SCN4A: variants seen among roughly 807,000 people sequenced by gnomAD.
SCN4A encodes the protein sodium voltage-gated channel alpha subunit 4.
Under a neutral mutation model 162.0 loss-of-function variants are expected in SCN4A, and 83 were observed. That is an observed-to-expected ratio of 0.51 (90% confidence interval 0.43 to 0.61). SCN4A has a LOEUF of 0.61. SCN4A is among the 20% of genes least tolerant of loss of function. The pLI, the probability that SCN4A is intolerant of heterozygous loss-of-function variation, is 0.00. For synonymous variants in SCN4A, 944 were observed against 985.1 expected (o/e 0.96, Z 0.78); for missense variants, 2,196 against 2,462.5 (o/e 0.89, Z 2.29).
chr17:63,964,603 G>T lies in SCN4A; in HGVS notation c.1317C>A (p.Ile439=). 1 of 1,613,736 alleles carries T rather than the reference G, an allele frequency of 6.2e-7. No homozygotes were observed. Among genetic ancestry groups the T allele is most frequent in the East Asian group, 2.2e-5 (1 of 44,886 alleles). Residue 439 remains isoleucine (I), a synonymous_variant, in exon 9 of 24, where the codon ATC becomes ATA. Transcript: ENST00000435607. The part of the protein sequence containing the change: ...VIIFLGSFYL[I]NLILAVVAMA... ...TGGCCACCACGGCCAGGATCAGATT[G>T]ATGAGGTAGAAAGAGCCCAGGAAGA...
chr17:63,953,265 C>T (rs2144788788), intron 13 of SCN4A, among the ~76,000 whole-genome samples: 1 of 152,042 alleles, frequency 6.6e-6, no homozygotes, highest in East Asian at 1.9e-4. Flanking sequence ...GAGGCTGAGG[C>T]AGGAGAATCG....
intron 11 of SCN4A, among the ~76,000 whole-genome samples, chr17:63,960,604 G>C (rs566042673): frequency 3.4e-4 from 52 of 152,298 alleles, no homozygotes; most frequent in African/African-American, 1.2e-3. Context: ...CTCTGGGGCC[G>C]GCAATGAGGT....
At position 63,951,912 on chromosome 17, in the gene SCN4A, G is replaced by C; in HGVS notation, c.2377-12C>G. ...AACAGGTTCAGGACCTGGGGCATGG[G>C]GTCAGGGGGAGCCTCACATCAGTCC... On this transcript the variant is annotated splice_polypyrimidine_tract_variant and intron_variant, in intron 13 of 23. Transcript: ENST00000435607. This position sits in a 1 kb window ranked among gnomAD's most constrained non-coding sequence, Gnocchi z 4.5. 6.7e-7 allele frequency: 1 copy of C among 1,495,238 alleles called. No individual in the cohort carries two copies. The highest frequency in any genetic ancestry group is 8.9e-7 in the Non-Finnish European group (1 of 1,118,348). The allele number at this position is 1,495,238 out of a possible 1,614,324, so 92.6% of individuals were successfully genotyped here. A position where few individuals can be genotyped will look rare whatever the true frequency, so the allele number is the denominator to read the frequency against.
intron 13 of SCN4A, among the ~76,000 whole-genome samples, chr17:63,954,132 G>C (rs1196641799): frequency 1.3e-5 from 2 of 152,168 alleles, no homozygotes; most frequent in African/African-American, 4.8e-5. Flanking sequence ...CCGTCTCCTC[G>C]GCGGGTCTCA....
intron 12 of SCN4A, 32 bp from the exon 13 acceptor site, chr17:63,957,550 GC>G (rs1305902520): frequency 2.6e-6 from 4 of 1,513,580 alleles, no homozygotes; most frequent in Non-Finnish European, 3.6e-6. Context: ...GGTGAATGAG[GC>G]CCAGGGACCA....
In SCN4A at chr17:63,944,060, C is replaced by T. The variant is rs1211630715; in HGVS notation, c.3913-210G>A. On this transcript the variant is annotated intron_variant, in intron 21 of 23. Coordinates refer to ENST00000435607, the MANE Select transcript of SCN4A (RefSeq NM_000334.4). The surrounding 1 kb of genome is among the most constrained non-coding windows in gnomAD (Gnocchi z 4.3). ...GAAGGGGAGTGGGGATCAATGCTGT[C>T]TTGCAGCCTGTTTCTGGCTACTTTT... Among the ~76,000 whole-genome samples the T allele has an allele frequency of 2.6e-5, 4 of 152,122 alleles. No homozygotes were observed. Among genetic ancestry groups the T allele is most frequent in the African/African-American group, 9.7e-5 (4 of 41,428 alleles).
rs199578875 is a variant in SCN4A, at chr17:63,968,144, T to A, written c.915A>T (p.Thr305=). The A allele has an allele frequency of 7.8e-5, 126 of 1,613,730 alleles. No individual in the cohort carries two copies. Among genetic ancestry groups the A allele is most frequent in the Non-Finnish European group, 1.0e-4 (121 of 1,179,850 alleles). ...YSNDTWYGND[T]WYGNEMWYGN... ...CGTACCACATCTCATTGCCATACCA[T>A]GTGTCATTGCCGTACCACGTGTCAT... Residue 305 remains threonine (T), a synonymous_variant, in exon 6 of 24, where the codon ACA becomes ACT. Transcript: ENST00000435607.
chr17:63,966,316 G>A (rs1909444122), intron 7 of SCN4A, 73 bp from the exon 8 acceptor site: 3 of 1,518,334 alleles, frequency 2.0e-6, no homozygotes, highest in Non-Finnish European at 2.7e-6. Context: ...GGACCCCAAG[G>A]GAAAAATTCC....
intron 10 of SCN4A, chr17:63,961,687 C>A: frequency 1.9e-6 from 1 of 515,520 alleles, no homozygotes; most frequent in Non-Finnish European, 3.5e-6. Flanking sequence ...TCCACCGCCT[C>A]AGTGAGCACC....
intron 17 of SCN4A, among the ~76,000 whole-genome samples, chr17:63,947,577 G>GC (rs1908766250): frequency 6.6e-6 from 1 of 152,216 alleles, no homozygotes. Context: ...AACATAGCAA[G>GC]ATCCCATCTT....
At chr17:63,948,345 C>A (rs1189189822) in intron 16 of SCN4A, among the ~76,000 whole-genome samples, 1 of 152,180 alleles carries the variant, frequency 6.6e-6, no homozygotes, top group African/African-American at 2.4e-5. Context: ...GTCCTGCGCC[C>A]CCAGTTCCCA....
rs76246419 is a variant in SCN4A, at chr17:63,955,537, G to A, written c.2376+1625C>T. Reference sequence around the variant, plus strand: ...ACTGAGGCCCAAAGGGTTAAATAACGGGCTCGAGGTTTCCCAGTCAGTGAG... The same window carrying A: ...ACTGAGGCCCAAAGGGTTAAATAACAGGCTCGAGGTTTCCCAGTCAGTGAG... On this transcript the variant is annotated intron_variant, in intron 13 of 23. Coordinates refer to ENST00000435607, the MANE Select transcript of SCN4A (RefSeq NM_000334.4). Among the ~76,000 whole-genome samples, 394 of 152,270 alleles carry A rather than the reference G, an allele frequency of 2.6e-3. 8 individuals are homozygous for A. The East Asian group carries it at 0.041, about 16-fold the overall frequency.
At chr17:63,970,961 T>C (rs1349891693) in intron 5 of SCN4A, among the ~76,000 whole-genome samples, 9 of 152,204 alleles carry the variant, frequency 5.9e-5, no homozygotes. Flanking sequence ...CAACTTGCCA[T>C]GCTGCCTCTC....
intron 13 of SCN4A, among the ~76,000 whole-genome samples, chr17:63,954,598 A>G (rs1249239335): frequency 2.0e-5 from 3 of 152,130 alleles, no homozygotes; most frequent in African/African-American, 7.2e-5. Flanking sequence ...GCAGGAAGTG[A>G]CCAAGTGCCA....
At chr17:63,952,773 C>T (rs1384720806) in intron 13 of SCN4A, among the ~76,000 whole-genome samples, 1 of 152,176 alleles carries the variant, frequency 6.6e-6, no homozygotes, top group Admixed American at 6.5e-5. Flanking sequence ...CACCCCCACC[C>T]ACTTTATTTT....
rs1468172897 is a variant in SCN4A, at chr17:63,940,166, G to C, written c.*605C>G. 6.6e-6 allele frequency: 1 copy of C among 152,294 alleles called. No individual in the cohort carries two copies. The highest frequency in any genetic ancestry group is 6.5e-5 in the Admixed American group (1 of 15,284). 9.4% of individuals were successfully genotyped at this position (152,294 alleles called of 1,614,324 possible). ...ATCCAGTGGCCAATCAGGTTTTGAG[G>C]CTTTGAGGAGCTATTTCTGAACCAG... On this transcript the variant is annotated 3_prime_UTR_variant, in exon 24 of 24. Coordinates refer to ENST00000435607, the MANE Select transcript of SCN4A (RefSeq NM_000334.4).
rs1407202217 is a variant in SCN4A, at chr17:63,941,611, C to T, written c.4671G>A (p.Leu1557=). The T allele has an allele frequency of 6.2e-7, 1 of 1,614,006 alleles. No individual in the cohort carries two copies. Among genetic ancestry groups the T allele is most frequent in the Middle Eastern group, 1.6e-4 (1 of 6,062 alleles). ...NSGPPDCDPN[L]ENPGTSVKGD... is the part of the protein sequence containing the mutation. ...CCTTGACACTGGTGCCCGGGTTCTC[C>T]AGGTTGGGGTCACAGTCTGGGGGCC... The change falls in exon 24 of 24, where the codon CTG becomes CTA. Residue 1557 remains leucine (L), a synonymous_variant. Coordinates refer to ENST00000435607, the MANE Select transcript of SCN4A (RefSeq NM_000334.4). The surrounding 1 kb of genome is among the most constrained non-coding windows in gnomAD (Gnocchi z 6.2).
intron 23 of SCN4A, 54 bp downstream of exon 23, chr17:63,942,772 T>A: frequency 6.4e-7 from 1 of 1,561,520 alleles, no homozygotes; most frequent in Non-Finnish European, 8.7e-7. Context: ...AGGATGGGTC[T>A]TCCCGAGTGC....
intron 13 of SCN4A, among the ~76,000 whole-genome samples, chr17:63,954,122 C>CCGTCTCCT (rs1268532753): frequency 5.9e-5 from 9 of 152,202 alleles, no homozygotes; most frequent in African/African-American, 1.9e-4. Context: ...CCACCCTTGG[C>CCGTCTCCT]CGTCTCCTCG....
Sources: gnomAD v4.1 joint callset for allele counts (sites outside exome capture counted in the v4.1 genomes callset) on GRCh38, gnomAD v4.1.1 for gene constraint, Gnocchi (gnomAD v3.1) non-coding constraint, MANE v1.5 for transcripts, NCBI Gene and HGNC (gene_info 2026-07-23, HGNC 2026-07-21) for gene names.